Variants in AMZ1 observed in about 807,000 individuals in gnomAD.
AMZ1 encodes the protein archaemetzincin-1.
AMZ1 carries 39 observed loss-of-function variants against 29.9 expected under a neutral mutation model. The ratio of observed to expected loss-of-function variants is 1.30; its 90% CI spans 1.01 to 1.70. The LOEUF is 1.70. Among genes scored for constraint, AMZ1 ranks in the 40% most tolerant of loss-of-function variants. The probability of loss-of-function intolerance (pLI) is 0.00; values close to 1 mark genes in which losing one functional copy is unlikely to be tolerated. For synonymous variants in AMZ1, 458 were observed against 304.0 expected, an observed-to-expected ratio of 1.51 and a Z score of -5.27; for missense variants, 1,041 against 680.6, an observed-to-expected ratio of 1.53 and a Z score of -5.89.
chr7:2,752,545 A>G (rs1791091604), intron 4 of AMZ1, among the ~76,000 whole-genome samples: 1 of 152,194 alleles, frequency 6.6e-6, no homozygotes, highest in African/African-American at 2.4e-5. Context: ...CAAACACAAA[A>G]TCCTAAGGAA....
rs369786045 is a variant in AMZ1 at position 2,754,758 on chromosome 7, A to G, written n.551-9954A>G. 4.6e-5 allele frequency among the ~76,000 whole-genome samples: 7 copies of G among 152,280 alleles called. No individual in the cohort carries two copies. In the East Asian group the frequency reaches 1.2e-3, roughly 25 times the overall value. The stretch of plus-strand genomic sequence containing the variant: ...AGTGAGACCCTGCCTCAAAAGGAGG[A>G]CTTTTGCAGAGCAAACATTTCAAAT... On this transcript the variant is annotated intron_variant and non_coding_transcript_variant, in intron 4 of 4. Transcript: ENST00000489665.
intron 1 of AMZ1, among the ~76,000 whole-genome samples, chr7:2,690,370 A>C (rs1206141152): frequency 6.6e-6 from 1 of 152,178 alleles, no homozygotes; most frequent in Admixed American, 6.5e-5. Flanking sequence ...AGGCATGCAC[A>C]ACCATGCCCA....
intron 3 of AMZ1, among the ~76,000 whole-genome samples, chr7:2,708,210 C>T (rs967552918): frequency 2.0e-5 from 3 of 152,134 alleles, no homozygotes; most frequent in African/African-American, 4.8e-5. Flanking sequence ...ATCTGCAGCC[C>T]CTTTGGCTGT....
rs1354047769 is a variant in AMZ1, at chr7:2,717,960, C to A, written c.*5082C>A. On this transcript the variant is annotated 3_prime_UTR_variant, in exon 7 of 7. Coordinates refer to ENST00000683327, the MANE Select transcript of AMZ1 (RefSeq NM_001384743.1). ...TGACGATGAGGCAAATCCAAATAGTCACCGGAGTCGAGCAAACACGGCGGC... is the reference window on the plus strand; with the variant it reads ...TGACGATGAGGCAAATCCAAATAGTAACCGGAGTCGAGCAAACACGGCGGC... 1.3e-5 allele frequency among the ~76,000 whole-genome samples: 2 copies of A among 152,218 alleles called. No individual in the cohort carries two copies. The highest frequency in any genetic ancestry group is 2.9e-5 in the Non-Finnish European group (2 of 68,044).
intron 4 of AMZ1, among the ~76,000 whole-genome samples, chr7:2,745,100 A>G (rs1165115190): frequency 6.6e-6 from 1 of 152,238 alleles, no homozygotes; most frequent in Non-Finnish European, 1.5e-5. Context: ...ACTCTGCAGG[A>G]TATTATCCAG....
In AMZ1 at chr7:2,700,379, C is replaced by A; in HGVS notation, c.-73C>A. The A allele has an allele frequency of 6.6e-7, 1 of 1,515,446 alleles. No individual in the cohort carries two copies. Among genetic ancestry groups the A allele is most frequent in the Non-Finnish European group, 8.9e-7 (1 of 1,129,372 alleles). The allele number at this position is 1,515,446 out of a possible 1,614,324, so 93.9% of individuals were successfully genotyped here. A position where few individuals can be genotyped will look rare whatever the true frequency, so the allele number is the denominator to read the frequency against. On this transcript the variant is annotated 5_prime_UTR_variant, in exon 2 of 7. Transcript: ENST00000683327. ...CCCGAGGGAAGATTCTGGACGAGACCGTGGCCGTCCCCCGGGTGGCCCATG... is the reference window on the plus strand; with the variant it reads ...CCCGAGGGAAGATTCTGGACGAGACAGTGGCCGTCCCCCGGGTGGCCCATG...
Position 2,700,473 on chromosome 7 carries a change from C to A in AMZ1, c.22C>A (p.Gln8Lys). Residue 8 changes from glutamine (Q) to lysine (K), a missense_variant, in exon 2 of 7, where the codon CAG becomes AAG. Coordinates refer to ENST00000683327, the MANE Select transcript of AMZ1 (RefSeq NM_001384743.1). ...CACCATGCTGCAGTGTAGACCCGCA[C>A]AGGAGTTCAGCTTCGGGCCCCGGGC... Reference protein sequence around the residue: MLQCRPAQEFSFGPRALK... With the variant: MLQCRPAKEFSFGPRALK... The A allele has an allele frequency of 2.5e-6, 4 of 1,602,350 alleles. No individual in the cohort carries two copies. Among genetic ancestry groups the A allele is most frequent in the Non-Finnish European group, 3.4e-6 (4 of 1,179,850 alleles).
chr7:2,705,505 T>C (rs1397855049), intron 3 of AMZ1, among the ~76,000 whole-genome samples: 1 of 152,224 alleles, frequency 6.6e-6, no homozygotes, highest in Non-Finnish European at 1.5e-5. Flanking sequence ...TCTACCCCTC[T>C]ACCGGCCACC....
At chr7:2,720,695 C>T (rs1289626000), downstream of AMZ1, among the ~76,000 whole-genome samples, 2 of 151,624 alleles carry the variant, frequency 1.3e-5, no homozygotes, top group African/African-American at 4.9e-5. Flanking sequence ...GCCACTGCGC[C>T]CAGCCTTTAA....
chr7:2,719,951 G>C (rs138620218), downstream of AMZ1, among the ~76,000 whole-genome samples: 4,183 of 152,278 alleles, frequency 0.027, 138 homozygotes, highest in Middle Eastern at 0.088. Context: ...AAAGTGCCAG[G>C]ATTACAGGCG....
chr7:2,688,081 G>A (rs1386791646), upstream of AMZ1: 2 of 152,308 alleles, frequency 1.3e-5, no homozygotes, highest in African/African-American at 4.8e-5. Flanking sequence ...TGGAGGGAGT[G>A]GGGCAGGACG....
chr7:2,702,770 G>C lies in AMZ1; in HGVS notation c.353G>C (p.Ser118Thr). ...AGCTCCCTGCTGCACCAGCTGTGCA[G>C]CTGCACAGAGGCCTTCTTCCTGGGC... ...VGSSLLHQLC[S>T]CTEAFFLGLR... The change falls in exon 3 of 7, where the codon AGC becomes ACC. Residue 118 changes from serine to threonine, a missense_variant. Coordinates refer to ENST00000683327, the MANE Select transcript of AMZ1 (RefSeq NM_001384743.1). 3 of 1,543,386 alleles carry C rather than the reference G, an allele frequency of 1.9e-6. No homozygotes were observed. The highest frequency in any genetic ancestry group is 2.6e-6 in the Non-Finnish European group (3 of 1,147,244).
chr7:2,706,131 C>A (rs1381842952), intron 3 of AMZ1, among the ~76,000 whole-genome samples: 1 of 152,230 alleles, frequency 6.6e-6, no homozygotes, highest in Non-Finnish European at 1.5e-5. Flanking sequence ...GCAGGTGGAA[C>A]TCAGAGGGTA....
At chr7:2,697,522 C>T (rs1787815064) in intron 1 of AMZ1, among the ~76,000 whole-genome samples, 1 of 152,054 alleles carries the variant, frequency 6.6e-6, no homozygotes, top group African/African-American at 2.4e-5. Flanking sequence ...TTTCTGGGCT[C>T]AGGTGATCCT....
intron 4 of AMZ1, among the ~76,000 whole-genome samples, chr7:2,737,270 T>TTC (rs1790240723): frequency 2.1e-5 from 1 of 47,728 alleles, no homozygotes; most frequent in Non-Finnish European, 5.0e-5. Flanking sequence ...CACAGTTTTG[T>TTC]TTTGTTTTTT....
At chr7:2,746,183 A>G (rs1027353233) in intron 4 of AMZ1, among the ~76,000 whole-genome samples, 2 of 152,226 alleles carry the variant, frequency 1.3e-5, no homozygotes, top group African/African-American at 4.8e-5. Flanking sequence ...ATAGACATCT[A>G]CGGAACTCTC....
rs758624210 is a variant in AMZ1, at chr7:2,731,338, T to A, written n.550+21522T>A. On this transcript the variant is annotated intron_variant and non_coding_transcript_variant, in intron 4 of 4. Transcript: ENST00000489665. The surrounding 1 kb of genome is among the most constrained non-coding windows in gnomAD (Gnocchi z 6.0). ...CTTCCTGTCGAAGCACTGGACCAGG[T>A]AGCGCTGGACGTCCTCCAGCCTGTG... 1.4e-5 allele frequency: 23 copies of A among 1,613,876 alleles called. No homozygotes were observed. Among genetic ancestry groups the A allele is most frequent in the Non-Finnish European group, 1.9e-5 (22 of 1,179,998 alleles).
chr7:2,757,619 C>T, intron 4 of AMZ1, among the ~76,000 whole-genome samples: 1 of 152,212 alleles, frequency 6.6e-6, no homozygotes, highest in Non-Finnish European at 1.5e-5. Context: ...GCCCAGGCTG[C>T]TGACCCAAGC....
Position 2,718,730 on chromosome 7 carries a change from C to T in AMZ1, c.*5852C>T, listed in dbSNP as rs559173730. 7.9e-5 allele frequency among the ~76,000 whole-genome samples: 12 copies of T among 152,334 alleles called. No individual in the cohort carries two copies. The South Asian group carries it at 1.4e-3, about 18-fold the overall frequency. Reference sequence around the variant, plus strand: ...TCTAACAGGACAGGGCTTGTGCAGCCGGGCTTGGTCTTGTGGTCAGGGAGA... The same window carrying T: ...TCTAACAGGACAGGGCTTGTGCAGCTGGGCTTGGTCTTGTGGTCAGGGAGA... On this transcript the variant is annotated 3_prime_UTR_variant, in exon 7 of 7. Transcript: ENST00000683327.
Sources: gnomAD v4.1 joint callset for allele counts (sites outside exome capture counted in the v4.1 genomes callset) on GRCh38, gnomAD v4.1.1 for gene constraint, Gnocchi (gnomAD v3.1) non-coding constraint, MANE v1.5 for transcripts, NCBI Gene and HGNC (gene_info 2026-07-23, HGNC 2026-07-21) for gene names.